THSD4: variants seen among roughly 807,000 people sequenced by gnomAD.
The protein encoded by THSD4 is thrombospondin type-1 domain-containing protein 4.
THSD4 carries 69 observed loss-of-function variants against 119.0 expected under a neutral mutation model. That is an observed-to-expected ratio of 0.58 (90% CI 0.48 to 0.71). The LOEUF is 0.71. THSD4 is among the 30% of genes least tolerant of loss of function. THSD4 has a pLI of 0.00. For missense variants in THSD4, 1,393 were observed against 1,391.1 expected, an observed-to-expected ratio of 1.00 and a Z score of -0.02; for synonymous variants, 524 against 540.4, an observed-to-expected ratio of 0.97 and a Z score of 0.42.
At position 71,193,878 on chromosome 15, in the gene THSD4, T is replaced by C. The variant is rs568306298; in HGVS notation, c.100-21157T>C. On this transcript the variant is annotated intron_variant, in intron 3 of 17. Transcript: ENST00000261862. ...GGCGCCCGCCGCCACGCCCAGCTAATTTTTTTGTATTTTTAGTAGAGACGG... is the reference window on the plus strand; with the variant it reads ...GGCGCCCGCCGCCACGCCCAGCTAACTTTTTTGTATTTTTAGTAGAGACGG... 1.3e-3 allele frequency among the ~76,000 whole-genome samples: 200 copies of C among 152,156 alleles called. 1 individual carries two copies. Among genetic ancestry groups the C allele is most frequent in the African/African-American group, 4.6e-3 (190 of 41,528 alleles).
chr15:71,480,645 T>G (rs774851995), intron 7 of THSD4, among the ~76,000 whole-genome samples: 1 of 152,220 alleles, frequency 6.6e-6, no homozygotes, highest in Non-Finnish European at 1.5e-5. Flanking sequence ...CTTCCTGGGA[T>G]CTTCTCATCG....
At chr15:71,212,476 AT>A (rs1205957124) in intron 3 of THSD4, among the ~76,000 whole-genome samples, 1 of 152,230 alleles carries the variant, frequency 6.6e-6, no homozygotes, top group African/African-American at 2.4e-5. Flanking sequence ...TCCAAGTATT[AT>A]AGGCAGTGTC....
intron 7 of THSD4, among the ~76,000 whole-genome samples, chr15:71,574,418 T>G (rs1480270950): frequency 6.6e-6 from 1 of 152,168 alleles, no homozygotes; most frequent in Non-Finnish European, 1.5e-5. Flanking sequence ...TAGATCCTCA[T>G]GATACCTAAC....
intron 1 of THSD4, among the ~76,000 whole-genome samples, chr15:71,136,205 C>G (rs958515317): frequency 6.6e-6 from 1 of 151,846 alleles, no homozygotes; most frequent in East Asian, 1.9e-4. Context: ...AGCCAATTCC[C>G]GACTCTTTTC....
chr15:71,111,073 T>C, upstream of THSD4: 1 of 1,470,374 alleles, frequency 6.8e-7, no homozygotes, highest in Non-Finnish European at 9.2e-7. Flanking sequence ...GTATTATCAT[T>C]TGCAAAGAGG....
At chr15:71,149,133 G>C (rs939432401) in intron 2 of THSD4, among the ~76,000 whole-genome samples, 16 of 151,914 alleles carry the variant, frequency 1.1e-4, no homozygotes, top group Non-Finnish European at 4.4e-5. Context: ...CCGCCTCCTG[G>C]GTTCATGCCA....
At chr15:71,647,044 T>C (rs1567080199) in intron 7 of THSD4, among the ~76,000 whole-genome samples, 1 of 152,224 alleles carries the variant, frequency 6.6e-6, no homozygotes, top group Non-Finnish European at 1.5e-5. Flanking sequence ...TTAGCCTTTA[T>C]GCTTACACAT....
chr15:71,359,444 C>T (rs1046142579), intron 6 of THSD4, among the ~76,000 whole-genome samples: 3 of 152,188 alleles, frequency 2.0e-5, no homozygotes, highest in Non-Finnish European at 2.9e-5. Context: ...TACAGATGAG[C>T]AAACTGAGGC....
Position 71,242,535 on chromosome 15 carries a change from C to G in THSD4, c.465-114C>G, listed in dbSNP as rs2044161677. On this transcript the variant is annotated intron_variant, in intron 4 of 17. Transcript: ENST00000261862. Reference sequence around the variant, plus strand: ...CCTGCTTCCCAGTTCTACCATAGACCCTTTCCCAAGCTTCCGTTCCTACCT... The same window carrying G: ...CCTGCTTCCCAGTTCTACCATAGACGCTTTCCCAAGCTTCCGTTCCTACCT... 2.6e-6 allele frequency: 3 copies of G among 1,148,544 alleles called. No individual in the cohort carries two copies. The African/African-American group carries it at 4.6e-5, about 18-fold the overall frequency. 71.1% of individuals were successfully genotyped at this position (1,148,544 alleles called of 1,614,324 possible).
At chr15:71,315,069 C>T (rs1482548923) in intron 6 of THSD4, among the ~76,000 whole-genome samples, 1 of 152,124 alleles carries the variant, frequency 6.6e-6, no homozygotes, top group African/African-American at 2.4e-5. Flanking sequence ...CCTCTGCAAT[C>T]AGGAATATGT....
intron 7 of THSD4, among the ~76,000 whole-genome samples, chr15:71,488,715 T>C (rs2140689518): frequency 6.6e-6 from 1 of 152,360 alleles, no homozygotes; most frequent in Middle Eastern, 3.4e-3. Flanking sequence ...TAGTCTTTTA[T>C]GATTCTTTTC....
intron 7 of THSD4, among the ~76,000 whole-genome samples, chr15:71,573,127 CTT>C (rs1168769841): frequency 4.6e-5 from 7 of 152,118 alleles, no homozygotes; most frequent in Non-Finnish European, 7.4e-5. Flanking sequence ...GGACAACAGA[CTT>C]AGGGTTTCTG....
rs148076310 is a variant in THSD4 at position 71,354,066 on chromosome 15, G to A, written c.1016-57621G>A. Among the ~76,000 whole-genome samples the A allele has an allele frequency of 1.5e-3, 234 of 152,312 alleles. 2 individuals carry two copies. Among genetic ancestry groups the A allele is most frequent in the African/African-American group, 5.4e-3 (224 of 41,576 alleles). ...AATCCCAGCTACCCAGGAGGCCGGG[G>A]TGGGAGGATTGCTTGAGCCCAAGAG... is the stretch of plus-strand genomic sequence containing the variant. On this transcript the variant is annotated intron_variant, in intron 6 of 17. Coordinates refer to ENST00000261862, the MANE Select transcript of THSD4 (RefSeq NM_024817.3).
intron 6 of THSD4, among the ~76,000 whole-genome samples, chr15:71,280,693 A>G (rs1004145161): frequency 6.6e-5 from 10 of 151,144 alleles, no homozygotes; most frequent in African/African-American, 2.4e-4. Flanking sequence ...TCACTCACCC[A>G]GTCCCTCCCT....
At chr15:71,219,036 G>T (rs1352036971) in intron 4 of THSD4, among the ~76,000 whole-genome samples, 1 of 152,086 alleles carries the variant, frequency 6.6e-6, no homozygotes, top group Admixed American at 6.6e-5. Context: ...TTAAGCAGAA[G>T]AATCCGTTCT....
intron 3 of THSD4, chr15:71,167,284 A>G (rs1315355761): frequency 1.3e-5 from 2 of 152,262 alleles, no homozygotes; most frequent in Non-Finnish European, 1.5e-5. Flanking sequence ...TTTCTGTGCT[A>G]TAAAGTCTGT....
chr15:71,389,810 G>GTTTTTGTTTTTTT (rs1555408978), intron 6 of THSD4, among the ~76,000 whole-genome samples: 1 of 87,998 alleles, frequency 1.1e-5, no homozygotes, highest in Non-Finnish European at 2.2e-5. Context: ...TTTCTGGGTT[G>GTTTTTGTTTTTTT]TTTTTTTTTT....
intron 1 of THSD4, among the ~76,000 whole-genome samples, chr15:71,127,483 G>A (rs1442331261): frequency 6.6e-6 from 1 of 152,106 alleles, no homozygotes; most frequent in African/African-American, 2.4e-5. Context: ...CTTTGAGGAA[G>A]CTCTATACAA....
intron 8 of THSD4, among the ~76,000 whole-genome samples, chr15:71,685,150 T>G (rs979466295): frequency 5.3e-5 from 8 of 152,166 alleles, no homozygotes; most frequent in Non-Finnish European, 8.8e-5. Flanking sequence ...TGTTTTTCTT[T>G]CTTGAATTCA....
Sources: gnomAD v4.1 joint callset for allele counts (sites outside exome capture counted in the v4.1 genomes callset) on GRCh38, gnomAD v4.1.1 for gene constraint, MANE v1.5 for transcripts, NCBI Gene and HGNC (gene_info 2026-07-23, HGNC 2026-07-21) for gene names.